The following LRRC56 variants were observed in gnomAD, a reference collection of about 807,000 sequenced individuals.
LRRC56 encodes leucine-rich repeat-containing protein 56.
A neutral mutation model predicts 47.8 loss-of-function variants in LRRC56; 41 were observed. The ratio of observed to expected loss-of-function variants is 0.86; its 90% CI spans 0.67 to 1.11. The LOEUF (loss-of-function observed/expected upper bound fraction) is 1.11, where lower values mean the gene tolerates loss of function less well. Ranked by LOEUF, LRRC56 falls within the 50% of genes most tolerant of loss-of-function variation. The pLI, the probability that LRRC56 is intolerant of heterozygous loss-of-function variation, is 0.00. For synonymous variants in LRRC56, 387 were observed against 311.2 expected, an observed-to-expected ratio of 1.24 and a Z score of -2.56; for missense variants, 759 against 704.2, an observed-to-expected ratio of 1.08 and a Z score of -0.88.
At chr11:532,733 G>A (rs587778400), upstream of LRRC56, 5 of 1,613,008 alleles carry the variant, frequency 3.1e-6, no homozygotes, top group Admixed American at 1.7e-5. Context: ...ACGCACCAAC[G>A]TGTAGAAGGC....
At chr11:538,237 G>C (rs958896324) in intron 1 of LRRC56, among the ~76,000 whole-genome samples, 4 of 152,212 alleles carry the variant, frequency 2.6e-5, no homozygotes. Flanking sequence ...CTTGGGCACA[G>C]AGGAGACAAG....
chr11:535,821 GGGGGCCCGGGGCGGCATCTCCGAGCA>G (rs1199400017), upstream of LRRC56, among the ~76,000 whole-genome samples: 2 of 152,100 alleles, frequency 1.3e-5, no homozygotes, highest in Non-Finnish European at 2.9e-5. Context: ...GCCGGTGTCT[GGGGGCCCGGGGCGGCATCTCCGAGCA>G]GGGCCCCGGG....
At chr11:522,040 A>G in the LRRC56 span, among the ~76,000 whole-genome samples, 1 of 152,284 alleles carries the variant, frequency 6.6e-6, no homozygotes, top group Non-Finnish European at 1.5e-5. Context: ...CTAAATCCAA[A>G]TATATCAATA....
chr11:533,780 G>A (rs2133989925), upstream of LRRC56: 1 of 1,613,340 alleles, frequency 6.2e-7, no homozygotes, highest in South Asian at 1.1e-5. Context: ...ACTGGTGGAT[G>A]TCCTCAAAAG....
the LRRC56 span, among the ~76,000 whole-genome samples, chr11:513,398 C>T: frequency 2.6e-5 from 4 of 152,042 alleles, no homozygotes; most frequent in Admixed American, 6.6e-5. Context: ...GTGATCTGCC[C>T]GCCGTCCGCC....
intron 6 of LRRC56, among the ~76,000 whole-genome samples, chr11:549,428 G>A (rs547000279): frequency 2.6e-5 from 4 of 152,266 alleles, no homozygotes; most frequent in South Asian, 4.1e-4. Flanking sequence ...CTGACCCACC[G>A]CCACCTCCAG....
chr11:522,513 A>T, the LRRC56 span, among the ~76,000 whole-genome samples: 1 of 152,098 alleles, frequency 6.6e-6, no homozygotes, highest in Non-Finnish European at 1.5e-5. Context: ...TGATTCGCCC[A>T]CCTCGGCCTC....
the LRRC56 span, among the ~76,000 whole-genome samples, chr11:515,816 C>CGA: frequency 6.6e-6 from 1 of 151,990 alleles, no homozygotes; most frequent in African/African-American, 2.4e-5. Context: ...CCAACCTGGG[C>CGA]GAGAGAGTGA....
chr11:519,180 G>C, the LRRC56 span, among the ~76,000 whole-genome samples: 1 of 152,220 alleles, frequency 6.6e-6, no homozygotes, highest in Admixed American at 6.5e-5. Flanking sequence ...AAAATCACCC[G>C]CAGTTCACCC....
At chr11:535,388 G>C (rs979636061), upstream of LRRC56, 296 of 146,938 alleles carry the variant, frequency 2.0e-3, 3 homozygotes, top group African/African-American at 7.1e-3. Flanking sequence ...GAGGGCGCGC[G>C]GCCCGGCCGA....
chr11:522,817 C>T, the LRRC56 span, among the ~76,000 whole-genome samples: 3 of 152,146 alleles, frequency 2.0e-5, no homozygotes, highest in African/African-American at 7.2e-5. Flanking sequence ...GGCGCAATCT[C>T]GGCTCACTGC....
the LRRC56 span, among the ~76,000 whole-genome samples, chr11:525,402 G>A: frequency 1.3e-5 from 2 of 152,044 alleles, no homozygotes; most frequent in South Asian, 2.1e-4. Context: ...AGCCGGCCGT[G>A]GTGGCGGCCG....
At chr11:542,605 CA>C (rs1213605937) in intron 5 of LRRC56, among the ~76,000 whole-genome samples, 17 of 56,226 alleles carry the variant, frequency 3.0e-4, no homozygotes, top group Non-Finnish European at 5.9e-4. Flanking sequence ...AAAAAAAAAA[CA>C]CTCCCTCCCC....
chr11:513,308 A>G, the LRRC56 span, among the ~76,000 whole-genome samples: 1 of 152,150 alleles, frequency 6.6e-6, no homozygotes, highest in Non-Finnish European at 1.5e-5. Flanking sequence ...ACACGCCACC[A>G]TGCCCGGCTA....
the LRRC56 span, among the ~76,000 whole-genome samples, chr11:518,560 T>A: frequency 6.6e-6 from 1 of 152,240 alleles, no homozygotes; most frequent in Non-Finnish European, 1.5e-5. Context: ...CCTGACTTCG[T>A]GATCCGGCCG....
chr11:546,158 TGC>T (rs1852067977), intron 6 of LRRC56, among the ~76,000 whole-genome samples: 1 of 152,148 alleles, frequency 6.6e-6, no homozygotes, highest in Admixed American at 6.6e-5. Flanking sequence ...TAACCCCAGC[TGC>T]TCAGGAGGCT....
At chr11:531,200 G>C in the LRRC56 span, among the ~76,000 whole-genome samples, 2 of 151,940 alleles carry the variant, frequency 1.3e-5, no homozygotes, top group Non-Finnish European at 2.9e-5. Flanking sequence ...TGGAGAGAAG[G>C]GCGAGTGTGG....
At position 554,327 on chromosome 11, in the gene LRRC56, A is replaced by G. The variant is rs1852635832; in HGVS notation, c.*51A>G. 4 of 1,422,782 alleles carry G rather than the reference A, an allele frequency of 2.8e-6. No individual in the cohort carries two copies. The highest frequency in any genetic ancestry group is 2.8e-6 in the Non-Finnish European group (3 of 1,081,286). 88.1% of individuals were successfully genotyped at this position (1,422,782 alleles called of 1,614,324 possible). On this transcript the variant is annotated 3_prime_UTR_variant, in exon 14 of 14. Coordinates refer to ENST00000270115, the MANE Select transcript of LRRC56 (RefSeq NM_198075.4). ...TGTGCTGGGGCCACGACTTGCCCAC[A>G]TATGTGGTCACAGAGCACAGAATAC... is the stretch of plus-strand genomic sequence containing the variant.
rs1851750281 is a variant in LRRC56, at chr11:540,720, G to A, written c.36G>A (p.Arg12=). Residue 12 remains arginine, a synonymous_variant, in exon 4 of 14, where the codon CGG becomes CGA. Coordinates refer to ENST00000270115, the MANE Select transcript of LRRC56 (RefSeq NM_198075.4). ...GCTGGGACAGATCCCGTGGGCCTCG[G>A]CGGAGCACCTCCAGCGTCCGGGTGC... ...DLGWDRSRGP[R]RSTSSVRVRE... 6.2e-7 allele frequency: 1 copy of A among 1,612,716 alleles called. No homozygotes were observed. The highest frequency in any genetic ancestry group is 1.1e-5 in the South Asian group (1 of 90,986).
Sources: gnomAD v4.1 joint callset for allele counts (sites outside exome capture counted in the v4.1 genomes callset) on GRCh38, gnomAD v4.1.1 for gene constraint, MANE v1.5 for transcripts, NCBI Gene and HGNC (gene_info 2026-07-23, HGNC 2026-07-21) for gene names.